The following ZSWIM6 variants were observed in gnomAD, a reference collection of about 807,000 sequenced individuals.
ZSWIM6 encodes zinc finger SWIM-type containing 6.
ZSWIM6 carries 9 observed loss-of-function variants against 113.2 expected under a neutral mutation model. The ratio of observed to expected loss-of-function variants is 0.08; its 90% CI spans 0.05 to 0.14. ZSWIM6 has a LOEUF of 0.14. Ranked by LOEUF, ZSWIM6 falls within the 10% of genes least tolerant of loss-of-function variation. The pLI is 1.00. For synonymous variants in ZSWIM6, 611 were observed against 606.5 expected (o/e 1.01, Z -0.11); for missense variants, 1,162 against 1,552.2 (o/e 0.75, Z 4.22).
At chr5:61,385,854 G>A (rs1745582794) in intron 1 of ZSWIM6, among the ~76,000 whole-genome samples, 1 of 152,282 alleles carries the variant, frequency 6.6e-6, no homozygotes, top group Non-Finnish European at 1.5e-5. Flanking sequence ...ACCCCAGACT[G>A]TTGGTGCCTG....
chr5:61,346,317 T>A (rs1287601742), intron 1 of ZSWIM6, among the ~76,000 whole-genome samples: 1 of 152,184 alleles, frequency 6.6e-6, no homozygotes, highest in Non-Finnish European at 1.5e-5. Context: ...TTTGCTGAAT[T>A]ATTAGGAAAC....
In ZSWIM6 at chr5:61,531,675, A is replaced by C; in HGVS notation, c.2195A>C (p.Asp732Ala). ...LISKLQEIEL[D>A]DTLVKIFRKQ... Reference sequence around the variant, plus strand: ...TCTAAGCTTCAGGAAATTGAATTGGATGACACACTGGTGAAAATTTTTCGC... The same window carrying C: ...TCTAAGCTTCAGGAAATTGAATTGGCTGACACACTGGTGAAAATTTTTCGC... Residue 732 changes from aspartate to alanine, a missense_variant, in exon 9 of 14, where the codon GAT (aspartate) becomes GCT (alanine). Coordinates refer to ENST00000252744, the MANE Select transcript of ZSWIM6 (RefSeq NM_020928.2). 1 of 1,551,710 alleles carries C rather than the reference A, an allele frequency of 6.4e-7. No homozygotes were observed. Among genetic ancestry groups the C allele is most frequent in the Non-Finnish European group, 8.7e-7 (1 of 1,146,974 alleles).
intron 9 of ZSWIM6, among the ~76,000 whole-genome samples, chr5:61,534,570 C>T (rs757684940): frequency 1.3e-4 from 20 of 152,170 alleles, no homozygotes; most frequent in Non-Finnish European, 2.2e-4. Flanking sequence ...AGATGTTACC[C>T]GAAGGTAACA....
intron 4 of ZSWIM6, among the ~76,000 whole-genome samples, chr5:61,497,175 T>C (rs1748342201): frequency 1.3e-5 from 2 of 151,490 alleles, no homozygotes; most frequent in South Asian, 4.2e-4. Flanking sequence ...AGCGAGAGTA[T>C]GCTAGCCAAG....
intron 1 of ZSWIM6, among the ~76,000 whole-genome samples, chr5:61,355,297 C>T (rs975229668): frequency 2.6e-5 from 4 of 152,080 alleles, no homozygotes; most frequent in African/African-American, 7.2e-5. Flanking sequence ...CCTGGGTGTT[C>T]CTTTGGGCTA....
At chr5:61,470,473 A>G (rs1747542921) in intron 1 of ZSWIM6, among the ~76,000 whole-genome samples, 1 of 152,202 alleles carries the variant, frequency 6.6e-6, no homozygotes, top group Admixed American at 6.5e-5. Context: ...GTACATCTGC[A>G]TATATTACAG....
intron 3 of ZSWIM6, 32 bp downstream of exon 3, chr5:61,490,966 A>G (rs1167124020): frequency 1.5e-5 from 22 of 1,496,564 alleles, no homozygotes; most frequent in Non-Finnish European, 2.0e-5. Context: ...GAAATATTCT[A>G]AATATATACA....
intron 1 of ZSWIM6, chr5:61,375,583 TTAAAAA>T: frequency 1.3e-6 from 2 of 1,533,496 alleles, no homozygotes; most frequent in Non-Finnish European, 1.8e-6. Flanking sequence ...TAAGGATAGT[TTAAAAA>T]AGAAAAAGAA....
At chr5:61,431,378 A>G (rs1472776516) in intron 1 of ZSWIM6, among the ~76,000 whole-genome samples, 3 of 148,174 alleles carry the variant, frequency 2.0e-5, no homozygotes, top group Non-Finnish European at 3.0e-5. Flanking sequence ...TCTCCAAAAA[A>G]AAAAAAAAAA....
intron 1 of ZSWIM6, chr5:61,390,604 A>AT (rs1007780952): frequency 6.0e-3 from 3,529 of 589,892 alleles, no homozygotes; most frequent in Middle Eastern, 7.6e-3. Context: ...CAAAAATGGT[A>AT]TTTTTTTTTT....
intron 1 of ZSWIM6, among the ~76,000 whole-genome samples, chr5:61,436,186 A>G (rs1278823605): frequency 6.6e-6 from 1 of 150,894 alleles, no homozygotes; most frequent in Non-Finnish European, 1.5e-5. Context: ...GGGCAATAAG[A>G]GCAAGACTCT....
intron 1 of ZSWIM6, among the ~76,000 whole-genome samples, chr5:61,404,819 C>A (rs925592781): frequency 6.6e-6 from 1 of 151,990 alleles, no homozygotes; most frequent in East Asian, 1.9e-4. Flanking sequence ...AAATAGAGTT[C>A]TTGGGGCCCA....
At chr5:61,350,601 A>G (rs114287202) in intron 1 of ZSWIM6, among the ~76,000 whole-genome samples, 250 of 152,200 alleles carry the variant, frequency 1.6e-3, no homozygotes, top group African/African-American at 5.9e-3. Flanking sequence ...TCTTATTTGA[A>G]GTTGTATTGT....
At chr5:61,346,750 A>G (rs371391565) in intron 1 of ZSWIM6, among the ~76,000 whole-genome samples, 9 of 152,154 alleles carry the variant, frequency 5.9e-5, no homozygotes, top group African/African-American at 1.4e-4. Flanking sequence ...GTTTTCATGG[A>G]TCTCCCTTAG....
At chr5:61,437,141 G>A (rs975201746) in intron 1 of ZSWIM6, among the ~76,000 whole-genome samples, 6 of 152,174 alleles carry the variant, frequency 3.9e-5, no homozygotes, top group Admixed American at 1.3e-4. Flanking sequence ...AGATTGCTTC[G>A]GCAGCCAAAG....
At chr5:61,459,772 A>G (rs776188721) in intron 1 of ZSWIM6, among the ~76,000 whole-genome samples, 9 of 152,302 alleles carry the variant, frequency 5.9e-5, no homozygotes, top group East Asian at 5.8e-4. Flanking sequence ...TTTTTTGCAT[A>G]TAGCCATGGA....
intron 1 of ZSWIM6, among the ~76,000 whole-genome samples, chr5:61,443,689 G>A (rs1310523127): frequency 6.6e-6 from 1 of 152,112 alleles, no homozygotes; most frequent in Non-Finnish European, 1.5e-5. Flanking sequence ...TTGACAGGTA[G>A]GAGACTCAGT....
At chr5:61,361,340 T>A (rs1745029651) in intron 1 of ZSWIM6, among the ~76,000 whole-genome samples, 1 of 152,178 alleles carries the variant, frequency 6.6e-6, no homozygotes, top group African/African-American at 2.4e-5. Context: ...GACAGCCAGG[T>A]TCTTTCCTCT....
chr5:61,448,255 A>G (rs1747008431), intron 1 of ZSWIM6, among the ~76,000 whole-genome samples: 1 of 152,234 alleles, frequency 6.6e-6, no homozygotes, highest in Non-Finnish European at 1.5e-5. Flanking sequence ...AAAGGGGGAA[A>G]ATAATACGTA....
Sources: gnomAD v4.1 joint callset for allele counts (sites outside exome capture counted in the v4.1 genomes callset) on GRCh38, gnomAD v4.1.1 for gene constraint, MANE v1.5 for transcripts, NCBI Gene and HGNC (gene_info 2026-07-23, HGNC 2026-07-21) for gene names.